The following CRYL1 variants were observed in gnomAD, a reference collection of about 807,000 sequenced individuals.
CRYL1 encodes crystallin lambda 1, also known as lambda-crystallin homolog.
A neutral mutation model predicts 36.6 loss-of-function variants in CRYL1; 29 were observed. The observed-to-expected ratio is 0.79, with a 90% CI of 0.59 to 1.08. The LOEUF (loss-of-function observed/expected upper bound fraction) is 1.08. CRYL1 is among the 50% of genes least tolerant of loss of function. CRYL1 has a pLI of 0.00. For synonymous variants in CRYL1, 152 were observed against 151.5 expected (o/e 1.00, Z -0.02); for missense variants, 411 against 407.9 (o/e 1.01, Z -0.06).
chr13:20,406,961 A>T (rs1565954232), intron 6 of CRYL1, among the ~76,000 whole-genome samples: 3 of 151,626 alleles, frequency 2.0e-5, no homozygotes, highest in African/African-American at 7.3e-5. Context: ...GCAAGTGTTC[A>T]TCTCTCCCTG....
rs762408236 is a variant in CRYL1 at position 20,478,300 on chromosome 13, G to A, written c.276+11070C>T. ...ATAAAATTGTTTCTATTAGATATGT[G>A]CTTATTTTGACTTTGGGCATTAATT... On this transcript the variant is annotated intron_variant, in intron 3 of 7. Coordinates refer to ENST00000298248, the MANE Select transcript of CRYL1 (RefSeq NM_015974.3). Among the ~76,000 whole-genome samples, 82 of 151,968 alleles carry A rather than the reference G, an allele frequency of 5.4e-4. 1 individual carries two copies. The highest frequency in any genetic ancestry group is 1.3e-4 in the Non-Finnish European group (9 of 67,986).
At chr13:20,457,525 C>T (rs2032716662) in intron 3 of CRYL1, among the ~76,000 whole-genome samples, 2 of 152,186 alleles carry the variant, frequency 1.3e-5, no homozygotes, top group Non-Finnish European at 2.9e-5. Flanking sequence ...AAATACAGTA[C>T]TCATTCGATT....
intron 5 of CRYL1, 39 bp downstream of exon 5, chr13:20,432,063 A>AAAGG (rs1482044718): frequency 1.2e-6 from 2 of 1,613,736 alleles, no homozygotes; most frequent in Admixed American, 1.7e-5. Flanking sequence ...AAGGAGGGAG[A>AAAGG]AAGGAAGGGA....
At chr13:20,467,208 A>T (rs573290198) in intron 3 of CRYL1, among the ~76,000 whole-genome samples, 133 of 151,994 alleles carry the variant, frequency 8.8e-4, no homozygotes, top group Non-Finnish European at 1.2e-3. Context: ...CGGCCTCCCA[A>T]AGTGCTGGGA....
intron 4 of CRYL1, among the ~76,000 whole-genome samples, chr13:20,434,436 G>A (rs977694908): frequency 1.3e-5 from 2 of 151,950 alleles, no homozygotes; most frequent in African/African-American, 4.8e-5. Flanking sequence ...ACCAATCAGC[G>A]CTCTGTAAAA....
chr13:20,525,331 T>G lies in CRYL1; in HGVS notation c.41+423A>C, dbSNP rs2137529498. On this transcript the variant is annotated intron_variant, in intron 1 of 7. Coordinates refer to ENST00000298248, the MANE Select transcript of CRYL1 (RefSeq NM_015974.3). This position sits in a 1 kb window ranked among gnomAD's most constrained non-coding sequence, Gnocchi z 4.3. ...TTAGGTAAACTGCTTAGTCTCAGTA[T>G]TCTCATTCGTAAAATGGGGATGAGA... is the stretch of plus-strand genomic sequence containing the variant. Among the ~76,000 whole-genome samples the G allele has an allele frequency of 6.6e-6, 1 of 152,354 alleles. No individual in the cohort carries two copies.
intron 5 of CRYL1, among the ~76,000 whole-genome samples, chr13:20,427,933 T>G (rs1163718107): frequency 6.6e-6 from 1 of 151,232 alleles, no homozygotes; most frequent in Non-Finnish European, 1.5e-5. Context: ...ATGGACCAAT[T>G]TCTCAGAAAC....
chr13:20,512,731 T>C (rs2033937090), intron 1 of CRYL1, among the ~76,000 whole-genome samples, 181 bp from the exon 2 acceptor site: 1 of 152,174 alleles, frequency 6.6e-6, no homozygotes, highest in Admixed American at 6.5e-5. Context: ...TTCTCACTCA[T>C]GTGAAAGCTG....
At chr13:20,482,445 T>C (rs2033296802) in intron 3 of CRYL1, among the ~76,000 whole-genome samples, 1 of 152,244 alleles carries the variant, frequency 6.6e-6, no homozygotes, top group Non-Finnish European at 1.5e-5. Context: ...AAGTCAAGGC[T>C]TGAGACCAGC....
chr13:20,431,461 C>T (rs1456461122), intron 5 of CRYL1: 1 of 985,334 alleles, frequency 1.0e-6, no homozygotes, highest in Non-Finnish European at 1.2e-6. Flanking sequence ...CCCGAGACTT[C>T]TCCGCCTCGT....
chr13:20,442,715 A>G (rs1327597465), intron 3 of CRYL1, among the ~76,000 whole-genome samples: 1 of 152,250 alleles, frequency 6.6e-6, no homozygotes, highest in Non-Finnish European at 1.5e-5. Context: ...TACTAAAGGT[A>G]ATCAGCTTGA....
chr13:20,514,042 G>A (rs1011925330), intron 1 of CRYL1, among the ~76,000 whole-genome samples: 2 of 151,704 alleles, frequency 1.3e-5, no homozygotes, highest in East Asian at 1.9e-4. Flanking sequence ...ATAACACAAA[G>A]TATAACACAA....
At chr13:20,518,335 T>C (rs1445085034) in intron 1 of CRYL1, among the ~76,000 whole-genome samples, 2 of 152,154 alleles carry the variant, frequency 1.3e-5, no homozygotes, top group Non-Finnish European at 2.9e-5. Flanking sequence ...AGGGACTGTC[T>C]CACTGGGAAG....
intron 2 of CRYL1, among the ~76,000 whole-genome samples, chr13:20,490,515 A>G (rs879904705): frequency 6.6e-6 from 1 of 152,202 alleles, no homozygotes; most frequent in Non-Finnish European, 1.5e-5. Context: ...AACATGCTGG[A>G]GATGAATGAT....
chr13:20,438,670 A>G (rs2032285954), intron 4 of CRYL1, among the ~76,000 whole-genome samples: 1 of 152,046 alleles, frequency 6.6e-6, no homozygotes, highest in Non-Finnish European at 1.5e-5. Flanking sequence ...CATCAGCCCA[A>G]CTAGGTCCTA....
chr13:20,514,269 A>G (rs1430759995), intron 1 of CRYL1, among the ~76,000 whole-genome samples: 1 of 152,242 alleles, frequency 6.6e-6, no homozygotes, highest in Non-Finnish European at 1.5e-5. Context: ...AGGTGTTCAA[A>G]GTCACCAACA....
intron 2 of CRYL1, among the ~76,000 whole-genome samples, chr13:20,506,508 A>G (rs2033797531): frequency 6.6e-6 from 1 of 152,166 alleles, no homozygotes; most frequent in Non-Finnish European, 1.5e-5. Flanking sequence ...ATAGTAGGAT[A>G]ACAGGAAAGC....
intron 3 of CRYL1, among the ~76,000 whole-genome samples, chr13:20,446,331 C>G (rs1435165014): frequency 6.6e-6 from 1 of 152,168 alleles, no homozygotes; most frequent in Non-Finnish European, 1.5e-5. Flanking sequence ...AGGCTGTTCT[C>G]AAACTCCTGA....
At chr13:20,460,579 G>A (rs1308387252) in intron 3 of CRYL1, among the ~76,000 whole-genome samples, 2 of 134,184 alleles carry the variant, frequency 1.5e-5, no homozygotes, top group Admixed American at 1.6e-4. Context: ...AGGCTGGAGT[G>A]CAGTGGCGCT....
Sources: allele counts gnomAD v4.1 joint callset (sites outside exome capture counted in the v4.1 genomes callset), GRCh38; gene constraint gnomAD v4.1.1; non-coding constraint Gnocchi (gnomAD v3.1); transcripts MANE v1.5; gene names NCBI Gene and HGNC (gene_info 2026-07-23, HGNC 2026-07-21).